The following KCNN2 variants were observed in gnomAD, a reference collection of about 807,000 sequenced individuals.
KCNN2 encodes the protein potassium calcium-activated channel subfamily N member 2.
A neutral mutation model predicts 55.5 loss-of-function variants in KCNN2; 24 were observed. The ratio of observed to expected loss-of-function variants is 0.43; its 90% CI spans 0.31 to 0.61. KCNN2 has a LOEUF of 0.61. Among genes scored for constraint, KCNN2 ranks in the 20% least tolerant of loss-of-function variants. KCNN2 has a pLI of 0.08. For missense variants in KCNN2, 754 were observed against 853.6 expected, an observed-to-expected ratio of 0.88 and a Z score of 1.45; for synonymous variants, 431 against 336.1, an observed-to-expected ratio of 1.28 and a Z score of -3.09.
At chr5:114,107,806 T>C (rs1702574474) in intron 1 of KCNN2, among the ~76,000 whole-genome samples, 1 of 152,228 alleles carries the variant, frequency 6.6e-6, no homozygotes, top group African/African-American at 2.4e-5. Context: ...TTGGAATCAA[T>C]TGACAACTTT....
intron 2 of KCNN2, among the ~76,000 whole-genome samples, chr5:114,229,326 T>C (rs1754308221): frequency 2.6e-5 from 4 of 151,796 alleles, no homozygotes; most frequent in African/African-American, 4.8e-5. Context: ...GCTTTTATTA[T>C]CTAGGAGCTC....
At position 114,463,122 on chromosome 5, in the gene KCNN2, A is replaced by G. The variant is rs765149039; in HGVS notation, c.1711A>G (p.Ile571Val). The G allele has an allele frequency of 1.2e-6, 2 of 1,613,706 alleles. No individual in the cohort carries two copies. Among genetic ancestry groups the G allele is most frequent in the Non-Finnish European group, 8.5e-7 (1 of 1,179,634 alleles). Residue 571 changes from isoleucine to valine, a missense_variant, in exon 4 of 8, where the codon ATT becomes GTT. Physicochemically the swap from Ile to Val is conservative, Grantham distance 29. Around this residue, in one of 4 missense-constraint regions of KCNN2, gnomAD observed 86 missense variants for 233.0 expected, o/e 0.37. Transcript: ENST00000673685. Reference protein sequence around the residue: ...MWLISITFLSIGYGDMVPNTY... With the variant: ...MWLISITFLSVGYGDMVPNTY... ...GTTGATATCAATAACTTTTCTCTCC[A>G]TTGGTTATGGTGACATGGTACCTAA...
intron 1 of KCNN2, among the ~76,000 whole-genome samples, chr5:114,161,227 G>C (rs534986392): frequency 1.9e-4 from 29 of 152,214 alleles, no homozygotes; most frequent in African/African-American, 6.5e-4. Context: ...GCATTTGTTT[G>C]TCTGTAAGTA....
At chr5:114,269,630 C>T (rs887695052) in intron 2 of KCNN2, among the ~76,000 whole-genome samples, 5 of 152,008 alleles carry the variant, frequency 3.3e-5, no homozygotes, top group African/African-American at 7.2e-5. Context: ...TTTAATACCC[C>T]GTAATGTTCA....
intron 2 of KCNN2, among the ~76,000 whole-genome samples, chr5:114,316,418 G>A (rs1050877615): frequency 1.3e-5 from 2 of 152,176 alleles, no homozygotes; most frequent in African/African-American, 4.8e-5. Flanking sequence ...TTTTGAAACC[G>A]CTAGACTAGC....
intron 2 of KCNN2, among the ~76,000 whole-genome samples, chr5:114,402,090 C>T (rs891683330): frequency 1.3e-5 from 2 of 152,138 alleles, no homozygotes; most frequent in Admixed American, 1.3e-4. Context: ...TGTGGGGACA[C>T]ATCCAGACCA....
rs1210208154 is a variant in KCNN2 at position 114,447,369 on chromosome 5, T to A, written c.1638-15680T>A. On this transcript the variant is annotated intron_variant, in intron 3 of 7. Coordinates refer to ENST00000673685, the MANE Select transcript of KCNN2 (RefSeq NM_021614.4). ...CAGCTATTGTATTTGGCTAAGAGTTTGACTGTCATCAGCCTAATTTTGTTA... is the reference window on the plus strand; with the variant it reads ...CAGCTATTGTATTTGGCTAAGAGTTAGACTGTCATCAGCCTAATTTTGTTA... 3.3e-5 allele frequency among the ~76,000 whole-genome samples: 5 copies of A among 152,380 alleles called. No homozygotes were observed. In the East Asian group the frequency reaches 9.6e-4, roughly 29 times the overall value.
chr5:114,370,986 C>A (rs1157002944), intron 2 of KCNN2, among the ~76,000 whole-genome samples: 1 of 152,046 alleles, frequency 6.6e-6, no homozygotes, highest in East Asian at 1.9e-4. Context: ...TGATGCTCAC[C>A]TGGCTTAATA....
intron 2 of KCNN2, among the ~76,000 whole-genome samples, chr5:114,383,811 C>T (rs973405201): frequency 6.6e-6 from 1 of 152,108 alleles, no homozygotes; most frequent in African/African-American, 2.4e-5. Context: ...ACAAAGGCCA[C>T]CAACATGACT....
At chr5:114,403,998 T>C (rs1561610202) in intron 2 of KCNN2, among the ~76,000 whole-genome samples, 2 of 152,228 alleles carry the variant, frequency 1.3e-5, no homozygotes, top group Non-Finnish European at 2.9e-5. Context: ...TGTTGCATTA[T>C]AGGGTATAAC....
chr5:114,228,930 A>G (rs2112601219), intron 2 of KCNN2, among the ~76,000 whole-genome samples: 1 of 152,174 alleles, frequency 6.6e-6, no homozygotes, highest in African/African-American at 2.4e-5. Flanking sequence ...TTCATGGCAT[A>G]TTATCTAATG....
At chr5:114,298,890 G>C (rs1314253125) in intron 2 of KCNN2, among the ~76,000 whole-genome samples, 4 of 152,038 alleles carry the variant, frequency 2.6e-5, no homozygotes, top group African/African-American at 9.7e-5. Flanking sequence ...CTCTGTAACA[G>C]GCTGGTAAGA....
At chr5:114,134,992 CT>C (rs1355314838) in intron 1 of KCNN2, among the ~76,000 whole-genome samples, 1 of 152,152 alleles carries the variant, frequency 6.6e-6, no homozygotes, top group African/African-American at 2.4e-5. Context: ...TCCCAAATTA[CT>C]TTCTAAAACT....
chr5:114,088,556 C>A (rs1426041490), intron 1 of KCNN2, among the ~76,000 whole-genome samples: 1 of 151,820 alleles, frequency 6.6e-6, no homozygotes, highest in Admixed American at 6.6e-5. Flanking sequence ...CTTATAATTT[C>A]TTCTTCAATA....
chr5:114,070,806 T>C (rs1230623866), intron 1 of KCNN2, among the ~76,000 whole-genome samples: 1 of 152,228 alleles, frequency 6.6e-6, no homozygotes, highest in Admixed American at 6.5e-5. Context: ...GGTGGGCAGG[T>C]TACCAGACCT....
intron 2 of KCNN2, among the ~76,000 whole-genome samples, chr5:114,347,534 C>T (rs1485468702): frequency 1.3e-5 from 2 of 152,110 alleles, no homozygotes; most frequent in Admixed American, 6.5e-5. Flanking sequence ...CACAGAACTA[C>T]GTTTAATAAC....
At chr5:114,140,204 A>G (rs746262684) in intron 1 of KCNN2, among the ~76,000 whole-genome samples, 1 of 152,250 alleles carries the variant, frequency 6.6e-6, no homozygotes, top group Non-Finnish European at 1.5e-5. Flanking sequence ...GGAATTGTCA[A>G]TAATTTTTAA....
intron 2 of KCNN2, among the ~76,000 whole-genome samples, chr5:114,279,803 G>A (rs7704125): frequency 0.9 from 135,818 of 151,374 alleles, 61,340 homozygotes; most frequent in East Asian, 0.94. Context: ...ATAATCCTTT[G>A]GGTATATACC....
At chr5:114,467,908 C>T (rs927082841) in intron 4 of KCNN2, among the ~76,000 whole-genome samples, 2 of 152,242 alleles carry the variant, frequency 1.3e-5, no homozygotes, top group Admixed American at 1.3e-4. Context: ...GAGATTTAAA[C>T]CGAGGGATGA....
Sources: allele counts gnomAD v4.1 joint callset (sites outside exome capture counted in the v4.1 genomes callset), GRCh38; gene constraint gnomAD v4.1.1; regional missense constraint gnomAD v4.1.1; transcripts MANE v1.5; gene names NCBI Gene and HGNC (gene_info 2026-07-23, HGNC 2026-07-21).